Variants in VSIG10L observed in about 807,000 individuals in gnomAD.
VSIG10L encodes the protein V-set and immunoglobulin domain containing 10 like.
A neutral mutation model predicts 67.3 loss-of-function variants in VSIG10L; 63 were observed. The observed-to-expected ratio is 0.94, with a 90% CI of 0.76 to 1.15. The LOEUF is 1.15. VSIG10L is among the 50% of genes most tolerant of loss of function. The pLI is 0.00. For synonymous variants in VSIG10L, 499 were observed against 524.9 expected, an observed-to-expected ratio of 0.95 and a Z score of 0.67; for missense variants, 1,050 against 1,177.5, an observed-to-expected ratio of 0.89 and a Z score of 1.58.
In VSIG10L at chr19:51,341,190, G is replaced by A; in HGVS notation, c.858C>T (p.Val286=). The change falls in exon 2 of 10, where the codon GTC becomes GTT. Residue 286 remains valine, a synonymous_variant. Transcript: ENST00000335624. ...VYTAEVIRAG[V]SQQTHEFTVG... ...CCGTGAACTCGTGAGTCTGCTGGGA[G>A]ACCCCTGCCCGGATGACCTCAGCCG... 6.5e-7 allele frequency: 1 copy of A among 1,537,406 alleles called. No individual in the cohort carries two copies.
Position 51,340,577 on chromosome 19 carries a change from C to T in VSIG10L, c.1045G>A (p.Glu349Lys), listed in dbSNP as rs772288868. ...CGCATCCGGGGCGTCTCGGCTCCCTCCGATTCCGCCGCCTCCAGGGCGCGT... is the reference window on the plus strand; with the variant it reads ...CGCATCCGGGGCGTCTCGGCTCCCTTCGATTCCGCCGCCTCCAGGGCGCGT... ...DGRALEAAES[E>K]GAETPRMRSE... Residue 349 changes from glutamate (E) to lysine (K), a missense_variant, in exon 3 of 10, where the codon GAG (glutamate) becomes AAG (lysine). Physicochemically the swap from Glu to Lys is moderately conservative, Grantham distance 56. Transcript: ENST00000335624. This position sits in a 1 kb window ranked among gnomAD's most constrained non-coding sequence, Gnocchi z 6.3. 6.5e-7 allele frequency: 1 copy of T among 1,535,456 alleles called. No homozygotes were observed. The highest frequency in any genetic ancestry group is 8.7e-7 in the Non-Finnish European group (1 of 1,146,214).
chr19:51,335,529 A>T (rs1985459373), intron 7 of VSIG10L, among the ~76,000 whole-genome samples: 1 of 152,140 alleles, frequency 6.6e-6, no homozygotes, highest in Non-Finnish European at 1.5e-5. Flanking sequence ...ATTTATGAGG[A>T]TGGGGAAGAC....
chr19:51,336,671 A>G (rs1451907315), intron 7 of VSIG10L, among the ~76,000 whole-genome samples: 4 of 152,074 alleles, frequency 2.6e-5, no homozygotes, highest in African/African-American at 4.8e-5. Flanking sequence ...CAGGAACGCC[A>G]AGGATGAAAC....
At chr19:51,336,445 T>A (rs1284156566) in intron 7 of VSIG10L, among the ~76,000 whole-genome samples, 1 of 151,984 alleles carries the variant, frequency 6.6e-6, no homozygotes, top group Non-Finnish European at 1.5e-5. Flanking sequence ...TCCTAGCTAC[T>A]CGGGAGGCTG....
chr19:51,334,306 T>G lies in VSIG10L; in HGVS notation c.2306-2A>C, dbSNP rs1333201890. 6.4e-7 allele frequency: 1 copy of G among 1,550,412 alleles called. No homozygotes were observed. The highest frequency in any genetic ancestry group is 1.4e-5 in the African/African-American group (1 of 72,940). ...TGGCCCCATGGCTCAACGTGGGGCC[T>G]GGAAGAGACAAAGAGAAGAAAGAGA... On this transcript the variant is annotated splice_acceptor_variant, in intron 7 of 9. Transcript: ENST00000335624. LOFTEE classifies it high-confidence loss of function.
rs990563048 is a variant in VSIG10L, at chr19:51,340,059, C to T, written c.1430G>A (p.Arg477His). The T allele has an allele frequency of 1.5e-5, 21 of 1,435,572 alleles. No individual in the cohort carries two copies. In the East Asian group the frequency reaches 5.2e-4, roughly 35 times the overall value. The allele number at this position is 1,435,572 out of a possible 1,614,324, so 88.9% of individuals were successfully genotyped here. ...GTYACLAANP[R>H]TGRRRRSLLN... Reference sequence around the variant, plus strand: ...CAGCGAGCGGCGGCGGCGGCCGGTACGCGGGTTCGCCGCCAGGCAGGCGTA... The same window carrying T: ...CAGCGAGCGGCGGCGGCGGCCGGTATGCGGGTTCGCCGCCAGGCAGGCGTA... Residue 477 changes from arginine to histidine, a missense_variant, in exon 4 of 10, where the codon CGT becomes CAT. Around this residue, in one of 3 missense-constraint regions of VSIG10L, gnomAD observed 529 missense variants for 584.9 expected, o/e 0.90. Transcript: ENST00000335624. The surrounding 1 kb of genome is among the most constrained non-coding windows in gnomAD (Gnocchi z 6.3).
At position 51,340,624 on chromosome 19, in the gene VSIG10L, T is replaced by A; in HGVS notation, c.998A>T (p.Glu333Val). The change falls in exon 3 of 10, where the codon GAG becomes GTG. Residue 333 changes from glutamate to valine, a missense_variant. Around this residue, in one of 3 missense-constraint regions of VSIG10L, gnomAD observed 511 missense variants for 557.9 expected, o/e 0.92. Transcript: ENST00000335624. This position sits in a 1 kb window ranked among gnomAD's most constrained non-coding sequence, Gnocchi z 6.3. Reference protein sequence around the residue: ...RCLGWGPGRGELSWSRDGRAL... With the variant: ...RCLGWGPGRGVLSWSRDGRAL... Reference sequence around the variant, plus strand: ...GCGTCCGTCCCGGCTCCAGCTCAGCTCCCCGCGACCTGGCCCCCACCCCAG... The same window carrying A: ...GCGTCCGTCCCGGCTCCAGCTCAGCACCCCGCGACCTGGCCCCCACCCCAG... 1 of 1,534,516 alleles carries A rather than the reference T, an allele frequency of 6.5e-7. No homozygotes were observed. The highest frequency in any genetic ancestry group is 8.7e-7 in the Non-Finnish European group (1 of 1,146,136).
rs1985512936 is a variant in VSIG10L at position 51,337,482 on chromosome 19, C to T, written c.2061G>A (p.Leu687=). ...GGGCCCCGCGCTCCACATCCCAAGT[C>T]AGCACGGCTGCATCTCTGGCTCTCT... is the stretch of plus-strand genomic sequence containing the variant. The part of the protein sequence containing the change: ...RLQRARDAAV[L]TWDVERGALI... The change falls in exon 7 of 10, where the codon CTG becomes CTA. Residue 687 remains leucine, a synonymous_variant. Coordinates refer to ENST00000335624, the MANE Select transcript of VSIG10L (RefSeq NM_001163922.3). 1 of 1,550,034 alleles carries T rather than the reference C, an allele frequency of 6.5e-7. No homozygotes were observed. The highest frequency in any genetic ancestry group is 1.4e-5 in the African/African-American group (1 of 72,948).
chr19:51,341,793 CA>C lies in VSIG10L; in HGVS notation c.254del (p.Leu85ArgfsTer20). ...ISDSSWFPEALSSNMSGSFWS... is the reference protein window; with the variant it reads ...ISDSSWFPEAXSSNMSGSFWS... ...AGAAGGACCCAGACATGTTGGAACT[CA>C]GGGCCTCAGGAAACCAGCTGGAATC... is the stretch of plus-strand genomic sequence containing the variant. On this transcript the variant is annotated frameshift_variant, in exon 2 of 10. Coordinates refer to ENST00000335624, the MANE Select transcript of VSIG10L (RefSeq NM_001163922.3). LOFTEE classifies it high-confidence loss of function. 2 of 1,551,394 alleles carry C rather than the reference CA, an allele frequency of 1.3e-6. No homozygotes were observed. Among genetic ancestry groups the C allele is most frequent in the Admixed American group, 3.9e-5 (2 of 50,926 alleles).
chr19:51,339,130 C>G lies in VSIG10L; in HGVS notation c.1487G>C (p.Gly496Ala). The G allele has an allele frequency of 7.6e-7, 1 of 1,307,358 alleles. No homozygotes were observed. The highest frequency in any genetic ancestry group is 9.8e-7 in the Non-Finnish European group (1 of 1,019,464). 81.0% of individuals were successfully genotyped at this position (1,307,358 alleles called of 1,614,324 possible). A position where few individuals can be genotyped will look rare whatever the true frequency, so the allele number is the denominator to read the frequency against. ...CCCTTCAACTGAGCACTGTGGGGCC[C>G]CGGGGGGCAGGTCTGCGGAGAGAAG... Reference protein sequence around the residue: ...LNLTVADLPPGAPQCSVEGGP... With the variant: ...LNLTVADLPPAAPQCSVEGGP... Residue 496 changes from glycine to alanine, a missense_variant, in exon 5 of 10, where the codon GGG becomes GCG. Physicochemically the swap from Gly to Ala is moderately conservative, Grantham distance 60. Around this residue, in one of 3 missense-constraint regions of VSIG10L, gnomAD observed 529 missense variants for 584.9 expected, o/e 0.90. Transcript: ENST00000335624.
intron 9 of VSIG10L, 121 bp from the exon 10 acceptor site, chr19:51,332,761 C>T: frequency 1.0e-6 from 1 of 981,602 alleles, no homozygotes; most frequent in Non-Finnish European, 1.4e-6. Context: ...GGGAACCCTC[C>T]ATTTGGAGAG....
At position 51,338,877 on chromosome 19, in the gene VSIG10L, CGCCCTCT is replaced by C; in HGVS notation, c.1729+4_1729+10del. ...CTCGAGAAACAGCAAAAAAGCCCCG[CGCCCTCT>C]CACCCGGCGTGACTGTGCAGGTACG... On this transcript the variant is annotated splice_donor_5th_base_variant and intron_variant, in intron 5 of 9. Coordinates refer to ENST00000335624, the MANE Select transcript of VSIG10L (RefSeq NM_001163922.3). The C allele has an allele frequency of 7.3e-7, 1 of 1,368,900 alleles. No homozygotes were observed. The highest frequency in any genetic ancestry group is 9.5e-7 in the Non-Finnish European group (1 of 1,053,298). The allele number at this position is 1,368,900 out of a possible 1,614,324, so 84.8% of individuals were successfully genotyped here.
intron 5 of VSIG10L, 32 bp from the exon 6 acceptor site, chr19:51,338,240 C>A: frequency 6.9e-7 from 1 of 1,450,848 alleles, no homozygotes; most frequent in South Asian, 1.5e-5. Context: ...TTAAGAAAGT[C>A]AAGACCTTAC....
chr19:51,340,028 G>GTC lies in VSIG10L; in HGVS notation c.1460_1461insGA (p.Asn487LysfsTer202), dbSNP rs1985586121. 12 of 1,434,912 alleles carry GTC rather than the reference G, an allele frequency of 8.4e-6. No homozygotes were observed. Among genetic ancestry groups the GTC allele is most frequent in the Non-Finnish European group, 1.1e-5 (12 of 1,096,810 alleles). The allele number at this position is 1,434,912 out of a possible 1,614,324, so 88.9% of individuals were successfully genotyped here. On this transcript the variant is annotated frameshift_variant, in exon 4 of 10. Transcript: ENST00000335624. LOFTEE classifies it high-confidence loss of function. The surrounding 1 kb of genome is among the most constrained non-coding windows in gnomAD (Gnocchi z 6.3). ...CCAGCCTCTCACCCGCCACTGTAAGGTTGAGCAGCGAGCGGCGGCGGCGGC... is the reference window on the plus strand; with the variant it reads ...CCAGCCTCTCACCCGCCACTGTAAGGTCTTGAGCAGCGAGCGGCGGCGGCGGC...
chr19:51,332,447 G>T lies in VSIG10L; in HGVS notation c.*164C>A. 1 of 777,286 alleles carries T rather than the reference G, an allele frequency of 1.3e-6. No homozygotes were observed. Among genetic ancestry groups the T allele is most frequent in the South Asian group, 1.5e-5 (1 of 67,926 alleles). The allele number at this position is 777,286 out of a possible 1,614,324, so 48.1% of individuals were successfully genotyped here. A position where few individuals can be genotyped will look rare whatever the true frequency, so the allele number is the denominator to read the frequency against. ...AAGACTCTTCTTCTGCAGCAAGAGA[G>T]GGAGACAGAAAGTCCCACTTTCAGG... On this transcript the variant is annotated 3_prime_UTR_variant, in exon 10 of 10. Transcript: ENST00000335624.
intron 9 of VSIG10L, 97 bp from the exon 10 acceptor site, chr19:51,332,737 T>C: frequency 8.1e-7 from 1 of 1,237,112 alleles, no homozygotes; most frequent in Non-Finnish European, 1.1e-6. Flanking sequence ...GCTTGAACTT[T>C]TTAGAGATTA....
rs1419637481 is a variant in VSIG10L, at chr19:51,340,265, C to T, written c.1224G>A (p.Ser408=). The T allele has an allele frequency of 4.0e-6, 6 of 1,517,928 alleles. No individual in the cohort carries two copies. The highest frequency in any genetic ancestry group is 2.6e-5 in the East Asian group (1 of 38,418). The allele number at this position is 1,517,928 out of a possible 1,614,324, so 94.0% of individuals were successfully genotyped here. Residue 408 remains serine, a synonymous_variant, in exon 4 of 10, where the codon TCG becomes TCA. Transcript: ENST00000335624. The surrounding 1 kb of genome is among the most constrained non-coding windows in gnomAD (Gnocchi z 6.3). ...AGCGGGCAGGCGCGGCGTCGCGGTCCGAGGAGACCGTGATGGTCGGCGGGT... is the reference window on the plus strand; with the variant it reads ...AGCGGGCAGGCGCGGCGTCGCGGTCTGAGGAGACCGTGATGGTCGGCGGGT... The part of the protein sequence containing the change: ...GPDPPTITVS[S]DRDAAPARFV...
rs1390659299 is a variant in VSIG10L, at chr19:51,341,747, C to T, written c.301G>A (p.Gly101Ser). 6.4e-7 allele frequency: 1 copy of T among 1,551,618 alleles called. No individual in the cohort carries two copies. The highest frequency in any genetic ancestry group is 2.0e-5 in the Admixed American group (1 of 50,994). ...GGGGAAACCGGGCTCAAATCTTGGCCCTCAGCAGAAACATTTGACCAGAAG... is the reference window on the plus strand; with the variant it reads ...GGGGAAACCGGGCTCAAATCTTGGCTCTCAGCAGAAACATTTGACCAGAAG... Reference protein sequence around the residue: ...GSFWSNVSAEGQDLSPVSPFS... With the variant: ...GSFWSNVSAESQDLSPVSPFS... Residue 101 changes from glycine to serine, a missense_variant, in exon 2 of 10, where the codon GGC becomes AGC. Around this residue, in one of 3 missense-constraint regions of VSIG10L, gnomAD observed 511 missense variants for 557.9 expected, o/e 0.92. Coordinates refer to ENST00000335624, the MANE Select transcript of VSIG10L (RefSeq NM_001163922.3).
Position 51,338,094 on chromosome 19 carries a change from C to T in VSIG10L, c.1844G>A (p.Arg615Gln), listed in dbSNP as rs200590126. 63 of 1,551,124 alleles carry T rather than the reference C, an allele frequency of 4.1e-5. No individual in the cohort carries two copies. Among genetic ancestry groups the T allele is most frequent in the East Asian group, 1.5e-4 (6 of 40,910 alleles). Residue 615 changes from arginine to glutamine, a missense_variant, in exon 6 of 10, where the codon CGG (arginine) becomes CAG (glutamine). Physicochemically the swap from Arg to Gln is conservative, Grantham distance 43. This residue lies in a region of VSIG10L where 529 missense variants were observed against 584.9 expected (regional missense o/e 0.90). Coordinates refer to ENST00000335624, the MANE Select transcript of VSIG10L (RefSeq NM_001163922.3). ...TCCTGGAGCCAGGGGCCTCCCTTCC[C>T]GGGCCCAGGATGCCCGTGAGGGTGG... ...CPPPSRASWA[R>Q]EGRPLAPGGG...
Sources: allele counts gnomAD v4.1 joint callset (sites outside exome capture counted in the v4.1 genomes callset), GRCh38; gene constraint gnomAD v4.1.1; regional missense constraint gnomAD v4.1.1; non-coding constraint Gnocchi (gnomAD v3.1); transcripts MANE v1.5; gene names NCBI Gene and HGNC (gene_info 2026-07-23, HGNC 2026-07-21).